CFAP46: variants seen among roughly 807,000 people sequenced by gnomAD.
CFAP46 encodes cilia- and flagella-associated protein 46.
Under a neutral mutation model 325.7 loss-of-function variants are expected in CFAP46, and 245 were observed. The observed-to-expected ratio is 0.75, with a 90% confidence interval of 0.68 to 0.84. CFAP46 has a LOEUF of 0.84. Ranked by LOEUF, CFAP46 falls within the 40% of genes least tolerant of loss-of-function variation. CFAP46 has a pLI of 0.00. For synonymous variants in CFAP46, 1,523 were observed against 1,495.9 expected (o/e 1.02, Z -0.42); for missense variants, 3,346 against 3,543.0 (o/e 0.94, Z 1.41).
rs936607291 is a variant in CFAP46 at position 132,856,660 on chromosome 10, T to C, written c.5574+930A>G. On this transcript the variant is annotated intron_variant, in intron 39 of 57. Coordinates refer to ENST00000368586, the MANE Select transcript of CFAP46 (RefSeq NM_001200049.3). ...CCCTGAAAGTTTGGGTTTTCTTCCT[T>C]TTACATCTTCACCATTTCTACTTAA... 5.9e-5 allele frequency among the ~76,000 whole-genome samples: 9 copies of C among 152,236 alleles called. 1 individual carries two copies.
chr10:132,928,490 G>A (rs899568682), intron 9 of CFAP46, among the ~76,000 whole-genome samples: 1 of 152,214 alleles, frequency 6.6e-6, no homozygotes, highest in African/African-American at 2.4e-5. Flanking sequence ...GGCTGTCAAG[G>A]CCACGTGAAC....
In CFAP46 at chr10:132,846,243, G is replaced by T. The variant is rs373281817; in HGVS notation, c.6268-16C>A. 6.2e-7 allele frequency: 1 copy of T among 1,609,660 alleles called. No individual in the cohort carries two copies. The highest frequency in any genetic ancestry group is 2.2e-5 in the East Asian group (1 of 44,802). ...CCGAGCAGCTCTGAAAGGGAGCAGGGGAGGTGTACCAGGGGCCCGAGGCCT... is the reference window on the plus strand; with the variant it reads ...CCGAGCAGCTCTGAAAGGGAGCAGGTGAGGTGTACCAGGGGCCCGAGGCCT... On this transcript the variant is annotated splice_polypyrimidine_tract_variant and intron_variant, in intron 43 of 57. Transcript: ENST00000368586.
chr10:132,832,252 G>A lies in CFAP46; in HGVS notation c.7117+1106C>T, dbSNP rs1287367761. Among the ~76,000 whole-genome samples the A allele has an allele frequency of 6.6e-6, 1 of 152,070 alleles. No homozygotes were observed. The highest frequency in any genetic ancestry group is 1.5e-5 in the Non-Finnish European group (1 of 68,020). On this transcript the variant is annotated intron_variant, in intron 50 of 57. Transcript: ENST00000368586. This position sits in a 1 kb window ranked among gnomAD's most constrained non-coding sequence, Gnocchi z 4.1. ...CAGGTGGTGGCTGTCTTCCTGCTGAGGGCTCTGCAGATCTCGGAGTGGCCG... is the reference window on the plus strand; with the variant it reads ...CAGGTGGTGGCTGTCTTCCTGCTGAAGGCTCTGCAGATCTCGGAGTGGCCG...
chr10:132,890,179 T>C (rs1190580050), intron 25 of CFAP46, among the ~76,000 whole-genome samples: 1 of 151,570 alleles, frequency 6.6e-6, no homozygotes, highest in Non-Finnish European at 1.5e-5. Flanking sequence ...TCTGCCCGGG[T>C]CACATTCTGA....
chr10:132,826,696 G>A (rs1486424810), intron 50 of CFAP46, among the ~76,000 whole-genome samples: 1 of 149,128 alleles, frequency 6.7e-6, no homozygotes, highest in Non-Finnish European at 1.5e-5. Context: ...CAGCCACGGA[G>A]CCAGGCAGGA....
chr10:132,860,342 G>T, intron 37 of CFAP46, 75 bp downstream of exon 37: 1 of 1,154,748 alleles, frequency 8.7e-7, no homozygotes, highest in Non-Finnish European at 1.3e-6. Context: ...TTGACGTATG[G>T]CACAAAAATT....
rs1849116042 is a variant in CFAP46 at position 132,885,752 on chromosome 10, C to T, written c.3443+69G>A. 3 of 1,467,680 alleles carry T rather than the reference C, an allele frequency of 2.0e-6. No individual in the cohort carries two copies. The African/African-American group carries it at 4.8e-5, about 23-fold the overall frequency. 90.9% of individuals were successfully genotyped at this position (1,467,680 alleles called of 1,614,324 possible). A position where few individuals can be genotyped will look rare whatever the true frequency, so the allele number is the denominator to read the frequency against. ...GCACTCACAGGCGGTGTGGGGAGCA[C>T]TCACAGGCGGTGGGGGGAGCACTCA... On this transcript the variant is annotated intron_variant, in intron 26 of 57. Transcript: ENST00000368586.
chr10:132,887,267 C>T (rs1326982484), intron 25 of CFAP46, among the ~76,000 whole-genome samples: 1 of 115,666 alleles, frequency 8.6e-6, no homozygotes, highest in Non-Finnish European at 1.7e-5. Flanking sequence ...GCTTCTCTCT[C>T]TCCTCTCCTC....
intron 8 of CFAP46, among the ~76,000 whole-genome samples, chr10:132,934,038 C>T (rs1849954178): frequency 6.6e-6 from 1 of 152,186 alleles, no homozygotes; most frequent in South Asian, 2.1e-4. Flanking sequence ...AGGTCATGGA[C>T]CTGTGTTGTT....
chr10:132,827,792 C>G lies in CFAP46; in HGVS notation c.7117+5566G>C, dbSNP rs561256017. Among the ~76,000 whole-genome samples the G allele has an allele frequency of 6.6e-6, 1 of 152,174 alleles. No individual in the cohort carries two copies. The highest frequency in any genetic ancestry group is 2.4e-5 in the African/African-American group (1 of 41,518). ...CTTCTCCTGCAGCCCCAGCCCCCACCCCCAGGAAGCAACTTACCTGCCTTC... is the reference window on the plus strand; with the variant it reads ...CTTCTCCTGCAGCCCCAGCCCCCACGCCCAGGAAGCAACTTACCTGCCTTC... On this transcript the variant is annotated intron_variant, in intron 50 of 57. Transcript: ENST00000368586. This position sits in a 1 kb window ranked among gnomAD's most constrained non-coding sequence, Gnocchi z 5.7.
At chr10:132,911,799 G>C (rs1052891582) in intron 19 of CFAP46, among the ~76,000 whole-genome samples, 3 of 152,136 alleles carry the variant, frequency 2.0e-5, no homozygotes, top group Non-Finnish European at 4.4e-5. Context: ...TGGGTGGTGT[G>C]GTCCCTGTTT....
chr10:132,850,130 C>T (rs2135133483), intron 41 of CFAP46, 114 bp downstream of exon 41: 2 of 1,088,090 alleles, frequency 1.8e-6, no homozygotes, highest in Admixed American at 4.8e-5. Context: ...ACATTTTTCT[C>T]TCTTCCTGGG....
intron 38 of CFAP46, 128 bp downstream of exon 38, chr10:132,858,943 G>A (rs547049551): frequency 2.2e-6 from 2 of 918,730 alleles, no homozygotes; most frequent in South Asian, 1.7e-5. Flanking sequence ...GCTTCCCAGG[G>A]GAGGGTCCTG....
In CFAP46 at chr10:132,906,037, T is replaced by C. The variant is rs75316590; in HGVS notation, c.2924+2431A>G. On this transcript the variant is annotated intron_variant, in intron 22 of 57. Transcript: ENST00000368586. Reference sequence around the variant, plus strand: ...GGATGCCAAAGAGGGGGGCCTGGCATGGAATCCTGTCCATACTGTTTTGGA... The same window carrying C: ...GGATGCCAAAGAGGGGGGCCTGGCACGGAATCCTGTCCATACTGTTTTGGA... 1.4e-3 allele frequency among the ~76,000 whole-genome samples: 212 copies of C among 152,314 alleles called. 2 individuals are homozygous for C. In the East Asian group the frequency reaches 0.039, roughly 28 times the overall value.
intron 57 of CFAP46, among the ~76,000 whole-genome samples, chr10:132,809,942 T>C (rs984566815): frequency 2.0e-5 from 3 of 152,186 alleles, no homozygotes; most frequent in African/African-American, 4.8e-5. Context: ...GGGAGGCCTC[T>C]TCCTGGGCTG....
Position 132,849,082 on chromosome 10 carries a change from G to A in CFAP46, c.5952+1162C>T, listed in dbSNP as rs142465192. Among the ~76,000 whole-genome samples, 123 of 152,308 alleles carry A rather than the reference G, an allele frequency of 8.1e-4. 1 individual carries two copies. Among genetic ancestry groups the A allele is most frequent in the African/African-American group, 2.6e-3 (108 of 41,570 alleles). On this transcript the variant is annotated intron_variant, in intron 41 of 57. Transcript: ENST00000368586. The stretch of plus-strand genomic sequence containing the variant: ...CGTCCCGGCCTGGCCTGCATGGGGC[G>A]GGGGCCGCGGAAGAACCCTGCGCCC...
chr10:132,808,973 G>A lies in CFAP46; in HGVS notation c.7665-69C>T. 1 of 1,436,994 alleles carries A rather than the reference G, an allele frequency of 7.0e-7. No homozygotes were observed. Among genetic ancestry groups the A allele is most frequent in the Non-Finnish European group, 9.3e-7 (1 of 1,074,022 alleles). 89.0% of individuals were successfully genotyped at this position (1,436,994 alleles called of 1,614,324 possible). On this transcript the variant is annotated intron_variant, in intron 57 of 57. Coordinates refer to ENST00000368586, the MANE Select transcript of CFAP46 (RefSeq NM_001200049.3). This position sits in a 1 kb window ranked among gnomAD's most constrained non-coding sequence, Gnocchi z 6.8. ...GGACGTCCAGCCCGGTGAGGACCAG[G>A]GCACAGGGGCGGGAAGTGGCAGCTG...
In CFAP46 at chr10:132,860,449, T is replaced by G; in HGVS notation, c.5166A>C (p.Leu1722Phe). The change falls in exon 37 of 58, where the codon TTA becomes TTC. Residue 1722 changes from leucine (L) to phenylalanine (F), a missense_variant. Leu to Phe is a conservative substitution (Grantham distance 22). Transcript: ENST00000368586. ...CTAGATCTGTGATCATGAATTCCAG[T>G]AAAGGCAATCGGTTTGGTCTTTCTT... Reference protein sequence around the residue: ...LKKERPNRLPLLEFMITDLEA... With the variant: ...LKKERPNRLPFLEFMITDLEA... The G allele has an allele frequency of 6.4e-7, 1 of 1,551,226 alleles. No homozygotes were observed. Among genetic ancestry groups the G allele is most frequent in the Non-Finnish European group, 8.7e-7 (1 of 1,147,060 alleles).
At chr10:132,822,070 G>A (rs1458026371) in intron 50 of CFAP46, among the ~76,000 whole-genome samples, 3 of 147,310 alleles carry the variant, frequency 2.0e-5, no homozygotes, top group Admixed American at 2.0e-4. Context: ...GCTGATGTGT[G>A]CTGTGTGTGC....
Sources: allele counts gnomAD v4.1 joint callset (sites outside exome capture counted in the v4.1 genomes callset), GRCh38; gene constraint gnomAD v4.1.1; non-coding constraint Gnocchi (gnomAD v3.1); transcripts MANE v1.5; gene names NCBI Gene and HGNC (gene_info 2026-07-23, HGNC 2026-07-21).